DLG2: variants seen among roughly 807,000 people sequenced by gnomAD.
The protein encoded by DLG2 is disks large homolog 2.
A neutral mutation model predicts 132.5 loss-of-function variants in DLG2; 45 were observed. That is an observed-to-expected ratio of 0.34 (90% confidence interval 0.27 to 0.44). DLG2 has a LOEUF of 0.44. Ranked by LOEUF, DLG2 falls within the 20% of genes least tolerant of loss-of-function variation. The pLI, the probability that DLG2 is intolerant of heterozygous loss-of-function variation, is 1.00. For synonymous variants in DLG2, 424 were observed against 419.6 expected, an observed-to-expected ratio of 1.01 and a Z score of -0.13; for missense variants, 1,045 against 1,196.9, an observed-to-expected ratio of 0.87 and a Z score of 1.87.
At chr11:83,500,449 C>A (rs898908346) in intron 21 of DLG2, among the ~76,000 whole-genome samples, 2 of 152,048 alleles carry the variant, frequency 1.3e-5, no homozygotes, top group African/African-American at 4.8e-5. Context: ...GAATCAAATC[C>A]CAAAGATGAT....
intron 7 of DLG2, among the ~76,000 whole-genome samples, chr11:84,490,210 C>T (rs1173942517): frequency 6.6e-6 from 1 of 152,096 alleles, no homozygotes; most frequent in Non-Finnish European, 1.5e-5. Context: ...AGCTATCTTA[C>T]AGCACTGTTG....
chr11:84,357,296 T>A (rs766371694), intron 7 of DLG2, among the ~76,000 whole-genome samples: 6 of 152,120 alleles, frequency 3.9e-5, no homozygotes, highest in African/African-American at 1.4e-4. Flanking sequence ...GTTCCTATTT[T>A]ACAGAAAACA....
At chr11:83,951,949 T>C (rs1054507231) in intron 14 of DLG2, among the ~76,000 whole-genome samples, 1 of 152,118 alleles carries the variant, frequency 6.6e-6, no homozygotes, top group African/African-American at 2.4e-5. Flanking sequence ...CAGAATTTGT[T>C]GATGGACTGC....
In DLG2 at chr11:83,941,901, C is replaced by T. The variant is rs550518863; in HGVS notation, c.1341-11418G>A. On this transcript the variant is annotated intron_variant, in intron 14 of 27. Transcript: ENST00000376104. ...TTTAAATTTCACATTGGATATTAGACGTTTTTCTGTGTCAGTACACATGGC... is the reference window on the plus strand; with the variant it reads ...TTTAAATTTCACATTGGATATTAGATGTTTTTCTGTGTCAGTACACATGGC... 6.6e-5 allele frequency among the ~76,000 whole-genome samples: 10 copies of T among 152,220 alleles called. No individual in the cohort carries two copies. The East Asian group carries it at 7.7e-4, about 12-fold the overall frequency.
rs566673086 is a variant in DLG2, at chr11:84,420,977, GT to G, written c.519+113592del. Reference sequence around the variant, plus strand: ...GCCACCGCGCCCGGCCCCAATGCTTGTTTTCTGTTACTCATCCGTAGAAACC... The same window carrying G: ...GCCACCGCGCCCGGCCCCAATGCTTGTTTCTGTTACTCATCCGTAGAAACC... On this transcript the variant is annotated intron_variant, in intron 7 of 27. Transcript: ENST00000376104. Among the ~76,000 whole-genome samples the G allele has an allele frequency of 1.8e-3, 280 of 152,050 alleles. 1 individual carries two copies. The highest frequency in any genetic ancestry group is 3.1e-3 in the Non-Finnish European group (210 of 67,930).
At chr11:85,507,904 T>G (rs2093971816) in intron 3 of DLG2, among the ~76,000 whole-genome samples, 2 of 152,152 alleles carry the variant, frequency 1.3e-5, no homozygotes, top group African/African-American at 4.8e-5. Flanking sequence ...TTTGTTCATT[T>G]CTTTTCACTC....
intron 21 of DLG2, among the ~76,000 whole-genome samples, chr11:83,494,457 G>A (rs1262771968): frequency 1.3e-5 from 2 of 151,460 alleles, no homozygotes; most frequent in African/African-American, 2.4e-5. Context: ...GTACTTACCT[G>A]AGGCTATTTC....
chr11:84,466,735 A>G (rs1239750555), intron 7 of DLG2, among the ~76,000 whole-genome samples: 2 of 151,408 alleles, frequency 1.3e-5, no homozygotes, highest in African/African-American at 4.8e-5. Context: ...AAAAGTACAT[A>G]TGACTCTTTC....
At chr11:85,173,816 G>A (rs953874981) in intron 4 of DLG2, among the ~76,000 whole-genome samples, 2 of 152,062 alleles carry the variant, frequency 1.3e-5, no homozygotes, top group Non-Finnish European at 2.9e-5. Flanking sequence ...AAAGGGGGTT[G>A]CAATCCTAGT....
At chr11:84,640,426 A>G in intron 6 of DLG2, 1 of 452,702 alleles carries the variant, frequency 2.2e-6, no homozygotes, top group Non-Finnish European at 3.7e-6. Context: ...TTAATCTTTG[A>G]AGGAAACAAC....
chr11:84,208,403 G>A (rs2096705808), intron 8 of DLG2, among the ~76,000 whole-genome samples: 2 of 150,580 alleles, frequency 1.3e-5, no homozygotes, highest in Admixed American at 6.6e-5. Flanking sequence ...GAGTTCAGTG[G>A]TGCAATCTCA....
chr11:85,340,024 C>T (rs2082378025), intron 3 of DLG2, among the ~76,000 whole-genome samples: 1 of 152,192 alleles, frequency 6.6e-6, no homozygotes, highest in African/African-American at 2.4e-5. Context: ...AATAGGAATG[C>T]TTTTACACTG....
intron 4 of DLG2, among the ~76,000 whole-genome samples, chr11:85,167,721 G>A (rs925359896): frequency 6.6e-6 from 1 of 151,930 alleles, no homozygotes; most frequent in Non-Finnish European, 1.5e-5. Context: ...TTTTTCTTTA[G>A]GTCTTCACTT....
At position 85,217,730 on chromosome 11, in the gene DLG2, G is replaced by A. The variant is rs535943804; in HGVS notation, c.187-63079C>T. Among the ~76,000 whole-genome samples, 76 of 152,172 alleles carry A rather than the reference G, an allele frequency of 5.0e-4. 3 individuals are homozygous for A. The highest frequency in any genetic ancestry group is 1.1e-3 in the African/African-American group (45 of 41,496). The stretch of plus-strand genomic sequence containing the variant: ...TTACACCACAGTCTCTCCTGATTCC[G>A]TCCCTTTGCACATGCTTTCCTCTGC... On this transcript the variant is annotated intron_variant, in intron 4 of 27. Transcript: ENST00000376104.
intron 6 of DLG2, among the ~76,000 whole-genome samples, chr11:85,092,513 T>C (rs1223457825): frequency 1.3e-5 from 2 of 152,116 alleles, no homozygotes; most frequent in Non-Finnish European, 2.9e-5. Flanking sequence ...ATAGGAAACA[T>C]TACACAATGA....
intron 21 of DLG2, among the ~76,000 whole-genome samples, chr11:83,520,956 T>C (rs910741760): frequency 6.6e-6 from 1 of 152,180 alleles, no homozygotes; most frequent in Non-Finnish European, 1.5e-5. Context: ...CTAAGAAGAA[T>C]AGATCATGTA....
At chr11:83,576,059 T>C (rs2096868654) in intron 19 of DLG2, among the ~76,000 whole-genome samples, 1 of 151,682 alleles carries the variant, frequency 6.6e-6, no homozygotes, top group South Asian at 2.1e-4. Flanking sequence ...ATGAAACATA[T>C]AAAAAAAATC....
At position 84,602,199 on chromosome 11, in the gene DLG2, G is replaced by A. The variant is rs112369408; in HGVS notation, c.358-67468C>T. The stretch of plus-strand genomic sequence containing the variant: ...AAATCTTAATATTTTCCTAGAGATG[G>A]AGAAGTAGGGTAGGACACAGTAAAA... On this transcript the variant is annotated intron_variant, in intron 6 of 27. Coordinates refer to ENST00000376104, the MANE Select transcript of DLG2 (RefSeq NM_001142699.3). Among the ~76,000 whole-genome samples, 401 of 151,962 alleles carry A rather than the reference G, an allele frequency of 2.6e-3. 3 individuals are homozygous for A. The highest frequency in any genetic ancestry group is 9.4e-3 in the African/African-American group (392 of 41,490).
intron 8 of DLG2, among the ~76,000 whole-genome samples, chr11:84,184,536 T>C (rs1436469002): frequency 6.6e-6 from 1 of 151,162 alleles, no homozygotes; most frequent in Non-Finnish European, 1.5e-5. Context: ...TTCACTCTGA[T>C]GGTAGTTTCT....
Sources: gnomAD v4.1 joint callset for allele counts (sites outside exome capture counted in the v4.1 genomes callset) on GRCh38, gnomAD v4.1.1 for gene constraint, MANE v1.5 for transcripts, NCBI Gene and HGNC (gene_info 2026-07-23, HGNC 2026-07-21) for gene names.